Variants in ZNF782 observed in about 807,000 individuals in gnomAD.
ZNF782 encodes the protein zinc finger protein 782.
Under a neutral mutation model 13.0 loss-of-function variants are expected in ZNF782, and 12 were observed. The ratio of observed to expected loss-of-function variants is 0.92; its 90% CI spans 0.59 to 1.50. The LOEUF (loss-of-function observed/expected upper bound fraction) is 1.50. ZNF782 is among the 40% of genes most tolerant of loss of function. The probability of loss-of-function intolerance (pLI) is 0.00; values close to 1 mark genes in which losing one functional copy is unlikely to be tolerated. For synonymous variants in ZNF782, 284 were observed against 283.0 expected, an observed-to-expected ratio of 1.00 and a Z score of -0.04; for missense variants, 770 against 822.9, an observed-to-expected ratio of 0.94 and a Z score of 0.79.
intron 1 of ZNF782, among the ~76,000 whole-genome samples, chr9:96,866,448 C>T (rs967412887): frequency 7.9e-5 from 12 of 152,184 alleles, no homozygotes; most frequent in African/African-American, 2.7e-4. Flanking sequence ...TGGGAACCTC[C>T]ACCTAGATTT....
chr9:96,864,087 ATATT>A (rs1020399569), intron 1 of ZNF782, among the ~76,000 whole-genome samples: 9 of 149,274 alleles, frequency 6.0e-5, no homozygotes, highest in Admixed American at 2.7e-4. Context: ...ACACACACAT[ATATT>A]TGTTTATATA....
chr9:96,933,794 C>G, the ZNF782 span: 8 of 152,864 alleles, frequency 5.2e-5, no homozygotes, highest in African/African-American at 1.9e-4. Context: ...CTGGCACACA[C>G]CCACTCTTCT....
chr9:96,817,812 A>G lies in ZNF782; in HGVS notation c.*111T>C, dbSNP rs774576624. ...TATTTGGTGGAGGCTGAAATTGTAG[A>G]GGAAATTCCAGTGCTCACTATGTTA... On this transcript the variant is annotated 3_prime_UTR_variant, in exon 6 of 6. Transcript: ENST00000481138. The G allele has an allele frequency of 2.2e-6, 2 of 920,984 alleles. No homozygotes were observed. Among genetic ancestry groups the G allele is most frequent in the Non-Finnish European group, 3.1e-6 (2 of 636,646 alleles). 57.1% of individuals were successfully genotyped at this position (920,984 alleles called of 1,614,324 possible).
the ZNF782 span, among the ~76,000 whole-genome samples, chr9:96,908,475 G>A: frequency 6.6e-6 from 1 of 152,000 alleles, no homozygotes; most frequent in African/African-American, 2.4e-5. Context: ...AAACAGTCTT[G>A]GAAAAAAATT....
rs567777895 is a variant in ZNF782 at position 96,852,217 on chromosome 9, T to C, written c.-44-212A>G. Among the ~76,000 whole-genome samples the C allele has an allele frequency of 2.0e-3, 304 of 152,364 alleles. 4 individuals are homozygous for C. The highest frequency in any genetic ancestry group is 3.2e-4 in the Non-Finnish European group (22 of 68,038). ...ATGGGGCTTAAACTGCTGTTTTTTA[T>C]TGAGTGAACATAAACTTTTCCCAAT... On this transcript the variant is annotated intron_variant, in intron 2 of 5. Transcript: ENST00000481138.
At chr9:96,848,856 G>A (rs537974655) in intron 3 of ZNF782, among the ~76,000 whole-genome samples, 24 of 152,190 alleles carry the variant, frequency 1.6e-4, no homozygotes, top group East Asian at 7.7e-4. Context: ...AAAAGAGCCC[G>A]AATAGTCAAA....
At chr9:96,844,434 C>T (rs1487015433) in intron 4 of ZNF782, among the ~76,000 whole-genome samples, 1 of 152,154 alleles carries the variant, frequency 6.6e-6, no homozygotes, top group African/African-American at 2.4e-5. Flanking sequence ...CTTATACACA[C>T]ATGTGCATGA....
intron 4 of ZNF782, among the ~76,000 whole-genome samples, chr9:96,832,964 TTTCTGGG>T (rs1232235559): frequency 1.3e-5 from 2 of 152,148 alleles, no homozygotes; most frequent in Non-Finnish European, 2.9e-5. Context: ...TTTCTTGTAG[TTTCTGGG>T]GTTCTGTTCA....
the ZNF782 span, among the ~76,000 whole-genome samples, chr9:96,898,441 A>G: frequency 6.7e-6 from 1 of 148,436 alleles, no homozygotes. Context: ...CACTTGTCAT[A>G]ATGTTTTCTG....
the ZNF782 span, chr9:96,888,024 G>T: frequency 1.8e-5 from 2 of 111,488 alleles, no homozygotes; most frequent in African/African-American, 6.8e-5. Context: ...GTTGTGGGGT[G>T]GGGGGAGGGG....
At chr9:96,909,775 T>C in the ZNF782 span, among the ~76,000 whole-genome samples, 1 of 151,902 alleles carries the variant, frequency 6.6e-6, no homozygotes, top group African/African-American at 2.4e-5. Context: ...CTTAACTGCA[T>C]TGTTGGATAT....
intron 4 of ZNF782, among the ~76,000 whole-genome samples, chr9:96,830,894 T>G (rs1045184302): frequency 1.3e-5 from 2 of 152,182 alleles, no homozygotes; most frequent in Non-Finnish European, 2.9e-5. Context: ...GAAGTAGGTA[T>G]TTTAGAGTTG....
the ZNF782 span, among the ~76,000 whole-genome samples, chr9:96,897,351 T>C: frequency 6.6e-6 from 1 of 152,120 alleles, no homozygotes; most frequent in African/African-American, 2.4e-5. Flanking sequence ...CAGGCAAAGG[T>C]GGGGAGCTGG....
the ZNF782 span, chr9:96,888,559 T>C: frequency 6.6e-6 from 1 of 152,130 alleles, no homozygotes; most frequent in Non-Finnish European, 1.5e-5. Context: ...AAGAGTGTGT[T>C]TGATTATGAG....
At chr9:96,897,215 A>G in the ZNF782 span, among the ~76,000 whole-genome samples, 1 of 152,188 alleles carries the variant, frequency 6.6e-6, no homozygotes, top group Non-Finnish European at 1.5e-5. Context: ...GCTACGGAAG[A>G]TACCAAATTC....
At chr9:96,901,709 C>T in the ZNF782 span, among the ~76,000 whole-genome samples, 1 of 151,112 alleles carries the variant, frequency 6.6e-6, no homozygotes, top group Admixed American at 6.6e-5. Context: ...ATCGTCTCTA[C>T]TAAAAATACA....
intron 1 of ZNF782, among the ~76,000 whole-genome samples, chr9:96,865,219 G>A (rs1311109305): frequency 2.0e-5 from 3 of 152,184 alleles, no homozygotes; most frequent in Non-Finnish European, 4.4e-5. Flanking sequence ...TCCAACTCGG[G>A]AGAAACATTG....
At chr9:96,884,334 G>A in the ZNF782 span, among the ~76,000 whole-genome samples, 1 of 152,152 alleles carries the variant, frequency 6.6e-6, no homozygotes, top group Admixed American at 6.5e-5. Context: ...TTACAATGAG[G>A]CTTCACCCCT....
At chr9:96,830,344 G>A (rs941315842) in intron 4 of ZNF782, among the ~76,000 whole-genome samples, 3 of 152,112 alleles carry the variant, frequency 2.0e-5, no homozygotes, top group South Asian at 2.1e-4. Context: ...GCTGAGACAT[G>A]TCTCCAAGCC....
Sources: gnomAD v4.1 joint callset for allele counts (sites outside exome capture counted in the v4.1 genomes callset) on GRCh38, gnomAD v4.1.1 for gene constraint, MANE v1.5 for transcripts, NCBI Gene and HGNC (gene_info 2026-07-23, HGNC 2026-07-21) for gene names.